The following XYLT1 variants were observed in gnomAD, a reference collection of about 807,000 sequenced individuals.
XYLT1 encodes the protein xylosyltransferase 1.
In XYLT1, 36 loss-of-function variants were observed where a neutral mutation model predicts 91.3. The ratio of observed to expected loss-of-function variants is 0.39; its 90% CI spans 0.30 to 0.52. XYLT1 has a LOEUF of 0.52. Among genes scored for constraint, XYLT1 ranks in the 20% least tolerant of loss-of-function variants. XYLT1 has a pLI of 0.68. For missense variants in XYLT1, 1,242 were observed against 1,284.5 expected, an observed-to-expected ratio of 0.97 and a Z score of 0.51; for synonymous variants, 588 against 532.0, an observed-to-expected ratio of 1.11 and a Z score of -1.45.
Position 17,470,416 on chromosome 16 carries a change from G to C in XYLT1, c.363+18C>G, listed in dbSNP as rs367589791. On this transcript the variant is annotated intron_variant, in intron 1 of 11. Transcript: ENST00000261381. The stretch of plus-strand genomic sequence containing the variant: ...CTCCCTCCCTCGCCGCGGGGCGCGA[G>C]CCGAAAGGGCATCTTACCAGAGCCC... 4.1e-4 allele frequency: 503 copies of C among 1,227,524 alleles called. 1 individual carries two copies. In the African/African-American group the frequency reaches 7.0e-3, roughly 17 times the overall value. The allele number at this position is 1,227,524 out of a possible 1,614,324, so 76.0% of individuals were successfully genotyped here. A position where few individuals can be genotyped will look rare whatever the true frequency, so the allele number is the denominator to read the frequency against.
At chr16:17,268,808 G>T (rs948682409) in intron 2 of XYLT1, among the ~76,000 whole-genome samples, 1 of 152,002 alleles carries the variant, frequency 6.6e-6, no homozygotes, top group Non-Finnish European at 1.5e-5. Context: ...AAGTAGCACG[G>T]ATTACAGGTG....
chr16:17,259,582 C>T (rs769273634), intron 2 of XYLT1, 84 bp from the exon 3 acceptor site: 29 of 1,497,662 alleles, frequency 1.9e-5, no homozygotes, highest in African/African-American at 9.7e-5. Flanking sequence ...GTGAGTCATA[C>T]GGACTTGGAA....
intron 10 of XYLT1, among the ~76,000 whole-genome samples, chr16:17,123,653 G>A (rs1209949745): frequency 3.3e-5 from 5 of 152,290 alleles, no homozygotes; most frequent in East Asian, 1.9e-4. Flanking sequence ...TTCTGCAGTC[G>A]TTGGGTAAAA....
intron 2 of XYLT1, among the ~76,000 whole-genome samples, chr16:17,315,302 G>A (rs182823110): frequency 3.3e-4 from 50 of 152,314 alleles, no homozygotes; most frequent in African/African-American, 1.1e-3. Context: ...CCTTGTGGAT[G>A]CTCTTTGTCA....
rs2036986769 is a variant in XYLT1 at position 17,470,949 on chromosome 16, G to GCCGCCGCCGCCGCCGCCGCCTCCACCGCC, written c.-154_-153insGGCGGTGGAGGCGGCGGCGGCGGCGGCGG. The GCCGCCGCCGCCGCCGCCGCCTCCACCGCC allele has an allele frequency of 2.4e-4, 1 of 4,084 alleles. No homozygotes were observed. Among genetic ancestry groups the GCCGCCGCCGCCGCCGCCGCCTCCACCGCC allele is most frequent in the Non-Finnish European group, 8.1e-4 (1 of 1,234 alleles). 0.3% of individuals were successfully genotyped at this position (4,084 alleles called of 1,614,324 possible). ...CCCTCCCCACACCCCTGTCCCCGCT[G>GCCGCCGCCGCCGCCGCCGCCTCCACCGCC]GAGGGGAGGGTGATGGGGAAGGCGC... On this transcript the variant is annotated 5_prime_UTR_variant, in exon 1 of 12. Transcript: ENST00000261381.
chr16:17,383,891 G>A (rs1486656021), intron 1 of XYLT1, among the ~76,000 whole-genome samples: 1 of 151,634 alleles, frequency 6.6e-6, no homozygotes, highest in Non-Finnish European at 1.5e-5. Flanking sequence ...GGGATTATAG[G>A]TGCCCGCCAC....
At chr16:17,376,893 C>T (rs979431985) in intron 1 of XYLT1, among the ~76,000 whole-genome samples, 2 of 149,342 alleles carry the variant, frequency 1.3e-5, no homozygotes. Context: ...TGCACCCAAC[C>T]AGGCCAGGTG....
At chr16:17,280,966 C>A (rs1329842015) in intron 2 of XYLT1, among the ~76,000 whole-genome samples, 3 of 152,188 alleles carry the variant, frequency 2.0e-5, no homozygotes, top group Non-Finnish European at 4.4e-5. Flanking sequence ...TCACAAAATG[C>A]AGATGCCCAG....
chr16:17,457,770 AAG>A (rs1055285514), intron 1 of XYLT1, among the ~76,000 whole-genome samples: 2 of 152,364 alleles, frequency 1.3e-5, no homozygotes, highest in African/African-American at 4.8e-5. Flanking sequence ...GAAAGTGCAA[AAG>A]AGAGACAATG....
intron 5 of XYLT1, among the ~76,000 whole-genome samples, chr16:17,176,492 T>A (rs186704714): frequency 1.7e-4 from 26 of 152,312 alleles, no homozygotes; most frequent in Admixed American, 1.6e-3. Context: ...GAAATTGAAC[T>A]CAGGCTCTGC....
intron 8 of XYLT1, 154 bp downstream of exon 8, chr16:17,138,201 G>T: frequency 4.9e-6 from 4 of 824,512 alleles, no homozygotes; most frequent in Admixed American, 3.0e-5. Context: ...AATAAACACT[G>T]GCTATTGTTG....
At chr16:17,310,090 G>A (rs994067919) in intron 2 of XYLT1, among the ~76,000 whole-genome samples, 3 of 152,106 alleles carry the variant, frequency 2.0e-5, no homozygotes, top group Admixed American at 6.5e-5. Flanking sequence ...CAAAATGCCC[G>A]CACACTTCTT....
intron 2 of XYLT1, among the ~76,000 whole-genome samples, chr16:17,268,839 A>AT (rs2033845953): frequency 1.3e-5 from 2 of 151,944 alleles, no homozygotes; most frequent in Admixed American, 6.6e-5. Flanking sequence ...TGCCCGACTA[A>AT]TTTTTGTATT....
chr16:17,157,903 C>T (rs1373719475), intron 6 of XYLT1, among the ~76,000 whole-genome samples: 1 of 152,174 alleles, frequency 6.6e-6, no homozygotes, highest in Non-Finnish European at 1.5e-5. Flanking sequence ...CATGTGCCAC[C>T]ACACCTGGCT....
chr16:17,463,183 G>A (rs2036844081), intron 1 of XYLT1, among the ~76,000 whole-genome samples: 1 of 151,992 alleles, frequency 6.6e-6, no homozygotes, highest in Admixed American at 6.6e-5. Flanking sequence ...TTTTTTTTGG[G>A]TAAGACCACA....
chr16:17,117,410 G>A (rs7198490), intron 11 of XYLT1, among the ~76,000 whole-genome samples: 8,608 of 152,114 alleles, frequency 0.057, 800 homozygotes, highest in African/African-American at 0.19. Context: ...TTGAATGGGG[G>A]AGCGTCTAAC....
intron 1 of XYLT1, among the ~76,000 whole-genome samples, chr16:17,381,284 CAA>C (rs2035677073): frequency 6.6e-6 from 1 of 151,766 alleles, no homozygotes; most frequent in African/African-American, 2.4e-5. Flanking sequence ...ATACAGATAT[CAA>C]AACTCATCAA....
In XYLT1 at chr16:17,470,501, C is replaced by CCCCGCG. The variant is rs1192216294; in HGVS notation, c.290_295dup (p.Ala97_Arg98dup). On this transcript the variant is annotated inframe_insertion, in exon 1 of 12. Transcript: ENST00000261381. Reference sequence around the variant, plus strand: ...TCCCCGCGGTTCTCCGGGGCCGCCTCCCCGCGCCCGCGCCTGGGGCCCCCG... The same window carrying CCCCGCG: ...TCCCCGCGGTTCTCCGGGGCCGCCTCCCCGCGCCCGCGCCCGCGCCTGGGGCCCCCG... 2 of 1,230,568 alleles carry CCCCGCG rather than the reference C, an allele frequency of 1.6e-6. No individual in the cohort carries two copies. The highest frequency in any genetic ancestry group is 2.0e-6 in the Non-Finnish European group (2 of 987,746). The allele number at this position is 1,230,568 out of a possible 1,614,324, so 76.2% of individuals were successfully genotyped here.
intron 3 of XYLT1, among the ~76,000 whole-genome samples, chr16:17,255,815 G>A (rs375913982): frequency 2.6e-5 from 4 of 151,914 alleles, no homozygotes; most frequent in Middle Eastern, 3.2e-3. Flanking sequence ...TGAGACCAAC[G>A]GGGCCAACAT....
Sources: gnomAD v4.1 joint callset for allele counts (sites outside exome capture counted in the v4.1 genomes callset) on GRCh38, gnomAD v4.1.1 for gene constraint, MANE v1.5 for transcripts, NCBI Gene and HGNC (gene_info 2026-07-23, HGNC 2026-07-21) for gene names.